The following ITGB5 variants were observed in gnomAD, a reference collection of about 807,000 sequenced individuals.
ITGB5 encodes integrin subunit beta 5.
ITGB5 carries 38 observed loss-of-function variants against 84.8 expected under a neutral mutation model. That is an observed-to-expected ratio of 0.45 (90% CI 0.35 to 0.59). The LOEUF (loss-of-function observed/expected upper bound fraction) is 0.59, where lower values mean the gene tolerates loss of function less well. Ranked by LOEUF, ITGB5 falls within the 20% of genes least tolerant of loss-of-function variation. The pLI is 0.01. For synonymous variants in ITGB5, 393 were observed against 414.4 expected, an observed-to-expected ratio of 0.95 and a Z score of 0.63; for missense variants, 905 against 1,034.5, an observed-to-expected ratio of 0.87 and a Z score of 1.72.
At chr3:124,848,089 G>C (rs2065101340) in intron 4 of ITGB5, among the ~76,000 whole-genome samples, 1 of 152,204 alleles carries the variant, frequency 6.6e-6, no homozygotes. Context: ...AAAATCAAGG[G>C]GTTGTGATCA....
In ITGB5 at chr3:124,858,279, C is replaced by T. The variant is rs138428144; in HGVS notation, c.361+963G>A. Among the ~76,000 whole-genome samples, 1,515 of 152,118 alleles carry T rather than the reference C, an allele frequency of 1.0e-2. 7 individuals are homozygous for T. The highest frequency in any genetic ancestry group is 0.016 in the Non-Finnish European group (1,111 of 67,996). ...TTAAGCAACTCTAAGGCTTGCAGGG[C>T]CCCATGGTCACAAAACAAAATATCT... On this transcript the variant is annotated intron_variant, in intron 3 of 14. Transcript: ENST00000296181.
rs576580289 is a variant in ITGB5 at position 124,764,956 on chromosome 3, G to A, written c.2138-399C>T. On this transcript the variant is annotated intron_variant, in intron 13 of 14. Transcript: ENST00000296181. ...CATGAAGCCACTTCCACAAGGTCTG[G>A]GCTGGGGGCCAACATTTGTAAGCCT... Among the ~76,000 whole-genome samples, 3 of 152,320 alleles carry A rather than the reference G, an allele frequency of 2.0e-5. No individual in the cohort carries two copies. The East Asian group carries it at 5.8e-4, about 29-fold the overall frequency.
intron 9 of ITGB5, among the ~76,000 whole-genome samples, chr3:124,798,055 C>CTTTTTTTTTTTTTT (rs60292129): frequency 0.025 from 2,576 of 103,322 alleles, 441 homozygotes; most frequent in African/African-American, 0.05. Context: ...TAGAATAAAG[C>CTTTTTTTTTTTTTT]TTTTTTTTTT....
At chr3:124,771,150 AGTT>A (rs983387328) in intron 11 of ITGB5, among the ~76,000 whole-genome samples, 2 of 150,696 alleles carry the variant, frequency 1.3e-5, no homozygotes, top group Admixed American at 6.6e-5. Context: ...AAAAAAATTA[AGTT>A]GTTTAGAGAC....
At chr3:124,767,103 G>C (rs1458836401) in intron 12 of ITGB5, among the ~76,000 whole-genome samples, 1 of 152,242 alleles carries the variant, frequency 6.6e-6, no homozygotes, top group African/African-American at 2.4e-5. Flanking sequence ...GGGTTAGCGG[G>C]CTGTTTTTTG....
At chr3:124,847,507 C>T (rs1204856216) in intron 4 of ITGB5, among the ~76,000 whole-genome samples, 5 of 152,216 alleles carry the variant, frequency 3.3e-5, no homozygotes, top group Admixed American at 2.6e-4. Context: ...CTGGCTCAGT[C>T]CTGTTCCGTC....
chr3:124,886,905 TGG>T (rs1934841893), intron 1 of ITGB5, 24 bp downstream of exon 1: 2 of 1,199,654 alleles, frequency 1.7e-6, no homozygotes, highest in Non-Finnish European at 2.1e-6. Context: ...AAAGTTTCTC[TGG>T]GCGCCGTGGG....
intron 4 of ITGB5, among the ~76,000 whole-genome samples, chr3:124,846,040 A>G (rs957450510): frequency 6.6e-6 from 1 of 152,218 alleles, no homozygotes; most frequent in South Asian, 2.1e-4. Flanking sequence ...TCGTGGTTAA[A>G]GAATTTAGAG....
At chr3:124,819,310 C>T (rs189964237) in intron 7 of ITGB5, among the ~76,000 whole-genome samples, 2 of 152,310 alleles carry the variant, frequency 1.3e-5, no homozygotes, top group African/African-American at 2.4e-5. Context: ...GGAATTTCTG[C>T]GCCAGACTAG....
intron 5 of ITGB5, among the ~76,000 whole-genome samples, chr3:124,823,778 A>G (rs1178409221): frequency 6.6e-6 from 1 of 152,142 alleles, no homozygotes; most frequent in Non-Finnish European, 1.5e-5. Flanking sequence ...CTTGGGAAAT[A>G]AAATACAATA....
intron 5 of ITGB5, among the ~76,000 whole-genome samples, chr3:124,826,529 T>C (rs558777211): frequency 4.9e-4 from 74 of 152,230 alleles, no homozygotes; most frequent in Non-Finnish European, 8.1e-4. Context: ...CTTTGTGACA[T>C]AGGTAATATA....
At chr3:124,814,150 C>T (rs72972570) in intron 8 of ITGB5, among the ~76,000 whole-genome samples, 4,921 of 152,180 alleles carry the variant, frequency 0.032, 149 homozygotes, top group African/African-American at 0.07. Flanking sequence ...TATATCTTAT[C>T]GTACCACAGT....
intron 8 of ITGB5, among the ~76,000 whole-genome samples, chr3:124,810,813 C>T (rs1356694863): frequency 1.3e-5 from 2 of 152,134 alleles, no homozygotes; most frequent in Non-Finnish European, 2.9e-5. Context: ...CATCCGCAGA[C>T]GGCCCTGCGG....
intron 13 of ITGB5, 143 bp downstream of exon 13, chr3:124,766,081 AAG>A (rs1395582124): frequency 6.0e-6 from 5 of 837,768 alleles, no homozygotes; most frequent in African/African-American, 3.5e-5. Flanking sequence ...AAAAAAGAAA[AAG>A]AAGAAATTGT....
At chr3:124,855,441 C>T (rs368051223) in intron 3 of ITGB5, among the ~76,000 whole-genome samples, 47 of 152,270 alleles carry the variant, frequency 3.1e-4, no homozygotes, top group African/African-American at 1.1e-3. Flanking sequence ...CTGCCACATA[C>T]CATTTTTCTC....
In ITGB5 at chr3:124,763,702, TATAATGG is replaced by T. The variant is rs1218545871; in HGVS notation, c.2314_2320del (p.Pro772ThrfsTer58). 6.2e-7 allele frequency: 1 copy of T among 1,606,556 alleles called. No homozygotes were observed. The highest frequency in any genetic ancestry group is 1.1e-5 in the South Asian group (1 of 90,854). On this transcript the variant is annotated frameshift_variant, in exon 15 of 15. Coordinates refer to ENST00000296181, the MANE Select transcript of ITGB5 (RefSeq NM_002213.5). LOFTEE classifies it high-confidence loss of function. ...AGTGTGCGTGGAGATAGGCTTTCTGTATAATGGATTTGAAGCCTACAGAACACGGCGG... is the reference window on the plus strand; with the variant it reads ...AGTGTGCGTGGAGATAGGCTTTCTGTATTTGAAGCCTACAGAACACGGCGG...
Position 124,821,330 on chromosome 3 carries a change from T to C in ITGB5, c.925A>G (p.Thr309Ala). ...QCHLNEANEY[T>A]ASNQMDYPSL... Reference sequence around the variant, plus strand: ...GCACTCACCATCTGGTTGGATGCAGTGTACTCGTTGGCCTCGTTCAGGTGG... The same window carrying C: ...GCACTCACCATCTGGTTGGATGCAGCGTACTCGTTGGCCTCGTTCAGGTGG... The change falls in exon 6 of 15, where the codon ACT becomes GCT. Residue 309 changes from threonine to alanine, a missense_variant. Thr to Ala is a moderately conservative substitution (Grantham distance 58, BLOSUM62 0). Coordinates refer to ENST00000296181, the MANE Select transcript of ITGB5 (RefSeq NM_002213.5). 2 of 1,613,686 alleles carry C rather than the reference T, an allele frequency of 1.2e-6. No homozygotes were observed. The highest frequency in any genetic ancestry group is 1.6e-4 in the Middle Eastern group (1 of 6,062).
chr3:124,797,045 C>A (rs1235524520), intron 9 of ITGB5, among the ~76,000 whole-genome samples: 1 of 152,210 alleles, frequency 6.6e-6, no homozygotes, highest in African/African-American at 2.4e-5. Flanking sequence ...CAGGTGAATT[C>A]TTTAACATTC....
intron 1 of ITGB5, among the ~76,000 whole-genome samples, chr3:124,896,562 G>T (rs1021356268): frequency 6.6e-6 from 1 of 151,034 alleles, no homozygotes; most frequent in Non-Finnish European, 1.5e-5. Context: ...AGACCAGCAT[G>T]GGCAATATGG....
Sources: allele counts gnomAD v4.1 joint callset (sites outside exome capture counted in the v4.1 genomes callset), GRCh38; gene constraint gnomAD v4.1.1; transcripts MANE v1.5; gene names NCBI Gene and HGNC (gene_info 2026-07-23, HGNC 2026-07-21).